CAPN7: variants seen among roughly 807,000 people sequenced by gnomAD.
CAPN7 encodes calpain 7, also known as calpain-7.
In CAPN7, 72 loss-of-function variants were observed where a neutral mutation model predicts 115.2. The ratio of observed to expected loss-of-function variants is 0.63; its 90% CI spans 0.52 to 0.76. The LOEUF is 0.76. Among genes scored for constraint, CAPN7 ranks in the 30% least tolerant of loss-of-function variants. The pLI, the probability that CAPN7 is intolerant of heterozygous loss-of-function variation, is 0.00. For missense variants in CAPN7, 905 were observed against 971.5 expected (o/e 0.93, Z 0.91); for synonymous variants, 344 against 322.3 (o/e 1.07, Z -0.72).
At chr3:15,240,918 A>G (rs1166438695) in intron 14 of CAPN7, 65 bp downstream of exon 14, 1 of 1,063,528 alleles carries the variant, frequency 9.4e-7, no homozygotes, top group East Asian at 2.4e-5. Context: ...TTAAAAACAT[A>G]ATGGTGCCAG....
At chr3:15,221,756 G>A (rs1313323764) in intron 5 of CAPN7, among the ~76,000 whole-genome samples, 1 of 151,980 alleles carries the variant, frequency 6.6e-6, no homozygotes, top group African/African-American at 2.4e-5. Context: ...GATCACTTGA[G>A]CTCAGGAGTT....
At chr3:15,221,804 T>C (rs1368445153) in intron 5 of CAPN7, among the ~76,000 whole-genome samples, 2 of 151,848 alleles carry the variant, frequency 1.3e-5, no homozygotes, top group Non-Finnish European at 2.9e-5. Flanking sequence ...ACCCCATCTC[T>C]ACTACAAATA....
intron 4 of CAPN7, among the ~76,000 whole-genome samples, chr3:15,219,659 C>G (rs766774288): frequency 1.4e-4 from 22 of 152,200 alleles, no homozygotes; most frequent in Non-Finnish European, 3.1e-4. Flanking sequence ...TGGATCCATT[C>G]TCTAGGAAAA....
intron 2 of CAPN7, among the ~76,000 whole-genome samples, chr3:15,214,740 C>T (rs1286048002): frequency 2.6e-5 from 4 of 152,216 alleles, no homozygotes; most frequent in East Asian, 1.9e-4. Flanking sequence ...TAAAATTAAC[C>T]GTCGTAGTAC....
At chr3:15,247,205 A>G (rs2125012701) in intron 18 of CAPN7, 122 bp from the exon 19 acceptor site, 1 of 679,278 alleles carries the variant, frequency 1.5e-6, no homozygotes, top group East Asian at 3.0e-5. Flanking sequence ...GATGGGAGAG[A>G]GGGGTTGGAG....
Position 15,251,025 on chromosome 3 carries a change from TA to T in CAPN7, c.2297+4del. ...GAGGAAATCTAGTGGTGACTATAGGTAATGTTGGCATTTTTATTGTATCTAT... is the reference window on the plus strand; with the variant it reads ...GAGGAAATCTAGTGGTGACTATAGGTATGTTGGCATTTTTATTGTATCTAT... On this transcript the variant is annotated splice_donor_region_variant and intron_variant, in intron 20 of 20. Coordinates refer to ENST00000253693, the MANE Select transcript of CAPN7 (RefSeq NM_014296.3). The T allele has an allele frequency of 6.2e-7, 1 of 1,609,112 alleles. No individual in the cohort carries two copies. Among genetic ancestry groups the T allele is most frequent in the Non-Finnish European group, 8.5e-7 (1 of 1,176,164 alleles).
At chr3:15,248,356 T>C (rs888849506) in intron 19 of CAPN7, among the ~76,000 whole-genome samples, 11 of 152,192 alleles carry the variant, frequency 7.2e-5, no homozygotes, top group Non-Finnish European at 1.3e-4. Flanking sequence ...AAATTACAGC[T>C]ACACACAACA....
chr3:15,219,268 T>C (rs1242727294), intron 4 of CAPN7, among the ~76,000 whole-genome samples: 2 of 152,210 alleles, frequency 1.3e-5, no homozygotes, highest in Admixed American at 6.5e-5. Context: ...AAGCGAATTA[T>C]ATATCTTGAA....
Position 15,244,298 on chromosome 3 carries a change from C to T in CAPN7, c.1865-1228C>T, listed in dbSNP as rs541820148. Among the ~76,000 whole-genome samples the T allele has an allele frequency of 1.1e-4, 17 of 152,290 alleles. No homozygotes were observed. In the South Asian group the frequency reaches 2.7e-3, roughly 24 times the overall value. On this transcript the variant is annotated intron_variant, in intron 16 of 20. Transcript: ENST00000253693. ...ACATAGTAGGTCCAGTGACAAATATCGAGTTAAACTAGCCAAGCTTTCCTT... is the reference window on the plus strand; with the variant it reads ...ACATAGTAGGTCCAGTGACAAATATTGAGTTAAACTAGCCAAGCTTTCCTT...
chr3:15,223,329 T>C, intron 5 of CAPN7, 146 bp from the exon 6 acceptor site: 1 of 592,526 alleles, frequency 1.7e-6, no homozygotes, highest in Non-Finnish European at 3.0e-6. Flanking sequence ...TATGAAAATA[T>C]TGTCCAAAGA....
At chr3:15,209,202 G>C (rs2044800987) in intron 1 of CAPN7, among the ~76,000 whole-genome samples, 1 of 152,014 alleles carries the variant, frequency 6.6e-6, no homozygotes, top group Non-Finnish European at 1.5e-5. Flanking sequence ...TAGAGACCGG[G>C]TTTCTCCATG....
At chr3:15,241,825 G>T (rs1695368571) in intron 15 of CAPN7, among the ~76,000 whole-genome samples, 1 of 152,176 alleles carries the variant, frequency 6.6e-6, no homozygotes, top group Non-Finnish European at 1.5e-5. Context: ...GTGCTTTTCA[G>T]TGAGGGTTTG....
rs549715039 is a variant in CAPN7 at position 15,248,716 on chromosome 3, G to T, written c.2204+1259G>T. ...TAAAAAATATAGAGAATACAGCCTGGGCATGGTGGCTAACACCTGTAATCC... is the reference window on the plus strand; with the variant it reads ...TAAAAAATATAGAGAATACAGCCTGTGCATGGTGGCTAACACCTGTAATCC... On this transcript the variant is annotated intron_variant, in intron 19 of 20. Coordinates refer to ENST00000253693, the MANE Select transcript of CAPN7 (RefSeq NM_014296.3). Among the ~76,000 whole-genome samples the T allele has an allele frequency of 1.1e-4, 16 of 152,204 alleles. No homozygotes were observed. The Middle Eastern group carries it at 0.01, about 97-fold the overall frequency.
intron 7 of CAPN7, among the ~76,000 whole-genome samples, chr3:15,228,652 A>G (rs1396364732): frequency 5.3e-5 from 8 of 152,200 alleles, no homozygotes; most frequent in African/African-American, 7.2e-5. Context: ...AGTGGGAGCT[A>G]AATGATGAGA....
chr3:15,241,015 G>A (rs1357212602), intron 14 of CAPN7, among the ~76,000 whole-genome samples, 162 bp downstream of exon 14: 2 of 152,114 alleles, frequency 1.3e-5, no homozygotes, highest in African/African-American at 4.8e-5. Context: ...GACCAGGTTG[G>A]GCAACATGGC....
At chr3:15,245,492 C>G (rs1183128302) in intron 16 of CAPN7, 34 bp from the exon 17 acceptor site, 1 of 1,575,056 alleles carries the variant, frequency 6.3e-7, no homozygotes, top group Non-Finnish European at 8.6e-7. Context: ...AAAGAAAAGT[C>G]TCCTTTTCTC....
chr3:15,244,935 TA>T (rs1695567624), intron 16 of CAPN7, among the ~76,000 whole-genome samples: 3 of 152,262 alleles, frequency 2.0e-5, no homozygotes, highest in South Asian at 4.1e-4. Context: ...AGACATGCAC[TA>T]TTTTTTTTAA....
At chr3:15,210,016 T>G (rs1245427152) in intron 1 of CAPN7, among the ~76,000 whole-genome samples, 2 of 152,200 alleles carry the variant, frequency 1.3e-5, no homozygotes, top group Non-Finnish European at 2.9e-5. Context: ...ATTTTATTTT[T>G]CAGAGACAGG....
Position 15,227,335 on chromosome 3 carries a change from T to A in CAPN7, c.726-504T>A, listed in dbSNP as rs578040621. 3.6e-4 allele frequency among the ~76,000 whole-genome samples: 55 copies of A among 152,274 alleles called. 1 individual carries two copies. The highest frequency in any genetic ancestry group is 1.3e-3 in the African/African-American group (52 of 41,556). ...ACTTTAAGCTATTTCCAAAAATAAT[T>A]CCTTTAATAGAGTTGTTTTAAGAAT... On this transcript the variant is annotated intron_variant, in intron 6 of 20. Coordinates refer to ENST00000253693, the MANE Select transcript of CAPN7 (RefSeq NM_014296.3).
Sources: gnomAD v4.1 joint callset for allele counts (sites outside exome capture counted in the v4.1 genomes callset) on GRCh38, gnomAD v4.1.1 for gene constraint, MANE v1.5 for transcripts, NCBI Gene and HGNC (gene_info 2026-07-23, HGNC 2026-07-21) for gene names.